The following STAG1 variants were observed in gnomAD, a reference collection of about 807,000 sequenced individuals.
STAG1 encodes the protein cohesin subunit SA-1.
A neutral mutation model predicts 170.9 loss-of-function variants in STAG1; 26 were observed. That is an observed-to-expected ratio of 0.15 (90% CI 0.11 to 0.21). The LOEUF (loss-of-function observed/expected upper bound fraction) is 0.21. STAG1 is among the 10% of genes least tolerant of loss of function. STAG1 has a pLI of 1.00. For missense variants in STAG1, 964 were observed against 1,509.5 expected, an observed-to-expected ratio of 0.64 and a Z score of 5.99; for synonymous variants, 514 against 497.7, an observed-to-expected ratio of 1.03 and a Z score of -0.44.
At chr3:136,438,425 A>G (rs190404843) in intron 15 of STAG1, among the ~76,000 whole-genome samples, 1 of 152,028 alleles carries the variant, frequency 6.6e-6, no homozygotes, top group Non-Finnish European at 1.5e-5. Context: ...GGGTTTCACC[A>G]TGCTGGCCAG....
At position 136,498,233 on chromosome 3, in the gene STAG1, T is replaced by TATACACACACAC; in HGVS notation, c.902+1989_902+1990insGTGTGTGTGTAT. On this transcript the variant is annotated intron_variant, in intron 9 of 33. Transcript: ENST00000383202. ...AATTATATATATATATATATATATA[T>TATACACACACAC]ACACATACATATACATACACACACA... 1.3e-3 allele frequency among the ~76,000 whole-genome samples: 72 copies of TATACACACACAC among 57,482 alleles called. 7 individuals are homozygous for TATACACACACAC. Among genetic ancestry groups the TATACACACACAC allele is most frequent in the African/African-American group, 7.2e-3 (70 of 9,664 alleles). 37.7% of individuals were successfully genotyped at this position (57,482 alleles called of 152,430 possible).
intron 9 of STAG1, among the ~76,000 whole-genome samples, chr3:136,477,795 T>TA (rs2089791940): frequency 6.6e-6 from 1 of 152,174 alleles, no homozygotes; most frequent in Non-Finnish European, 1.5e-5. Flanking sequence ...AATCTTTTTT[T>TA]AAAAAATTAT....
chr3:136,421,207 TTATAG>T (rs1205057600), intron 19 of STAG1, 44 bp from the exon 20 acceptor site: 16 of 1,278,124 alleles, frequency 1.3e-5, no homozygotes, highest in Non-Finnish European at 1.8e-5. Flanking sequence ...TTTACTCACC[TTATAG>T]TATATTACTA....
chr3:136,592,642 C>G (rs754397481), intron 4 of STAG1, among the ~76,000 whole-genome samples: 54 of 152,152 alleles, frequency 3.5e-4, no homozygotes, highest in Non-Finnish European at 7.1e-4. Context: ...ACAATGCCAG[C>G]AACAATGGCC....
chr3:136,361,607 TTAA>T (rs1341646950), intron 26 of STAG1, among the ~76,000 whole-genome samples: 11 of 152,284 alleles, frequency 7.2e-5, no homozygotes, highest in Non-Finnish European at 1.5e-4. Context: ...TTGTATTTCA[TTAA>T]TAATAATTAT....
At chr3:136,470,852 A>G (rs990965892) in intron 12 of STAG1, among the ~76,000 whole-genome samples, 1 of 152,110 alleles carries the variant, frequency 6.6e-6, no homozygotes. Flanking sequence ...ATGAAGCTGG[A>G]AACCATCATT....
chr3:136,349,292 A>G lies in STAG1; in HGVS notation c.3137T>C (p.Ile1046Thr). Residue 1046 changes from isoleucine (I) to threonine (T), a missense_variant, in exon 29 of 34, where the codon ATC (isoleucine) becomes ACC (threonine). Ile to Thr is a moderately conservative substitution (Grantham distance 89). Around this residue, in one of 11 missense-constraint regions of STAG1, gnomAD observed 149 missense variants for 301.3 expected, o/e 0.49. Transcript: ENST00000383202. ...AGTGACTAATGAATTTCTATAGGAG[A>G]TGAGTGGAAGCCATACATCCTCCCT... ...ERREDVWLPL[I>T]SYRNSLVTGG... 6.2e-7 allele frequency: 1 copy of G among 1,613,988 alleles called. No individual in the cohort carries two copies. The highest frequency in any genetic ancestry group is 8.5e-7 in the Non-Finnish European group (1 of 1,179,928).
At chr3:136,549,818 G>A (rs1009531913) in intron 5 of STAG1, among the ~76,000 whole-genome samples, 5 of 152,010 alleles carry the variant, frequency 3.3e-5, no homozygotes, top group Non-Finnish European at 7.4e-5. Context: ...TTGTATATAT[G>A]GCCATTATTG....
At chr3:136,521,555 T>C in intron 6 of STAG1, 138 bp from the exon 7 acceptor site, 1 of 632,232 alleles carries the variant, frequency 1.6e-6, no homozygotes, top group Non-Finnish European at 2.7e-6. Flanking sequence ...CATAGCACAT[T>C]TGATTGCTTT....
chr3:136,512,484 T>C (rs1934119650), intron 7 of STAG1, among the ~76,000 whole-genome samples: 2 of 152,154 alleles, frequency 1.3e-5, no homozygotes, highest in Admixed American at 6.5e-5. Context: ...AGTCAAGCAA[T>C]TCCTTTATGA....
chr3:136,714,938 A>AATAT (rs71714671), intron 1 of STAG1, among the ~76,000 whole-genome samples: 2,212 of 95,552 alleles, frequency 0.023, 22 homozygotes, highest in African/African-American at 0.043. Flanking sequence ...ATATATATTA[A>AATAT]ATATATATAT....
At chr3:136,346,912 A>G (rs1936244453) in intron 29 of STAG1, among the ~76,000 whole-genome samples, 2 of 151,848 alleles carry the variant, frequency 1.3e-5, no homozygotes, top group African/African-American at 4.8e-5. Flanking sequence ...CAGCCTGGGC[A>G]ACAAGGTGAA....
intron 23 of STAG1, among the ~76,000 whole-genome samples, chr3:136,373,748 T>C (rs1363989921): frequency 2.6e-5 from 4 of 152,212 alleles, no homozygotes; most frequent in Non-Finnish European, 5.9e-5. Flanking sequence ...TTACATTTGC[T>C]GAGGATTGCT....
At chr3:136,477,085 A>T (rs2089771638) in intron 10 of STAG1, among the ~76,000 whole-genome samples, 1 of 152,200 alleles carries the variant, frequency 6.6e-6, no homozygotes. Flanking sequence ...CAATATTGTA[A>T]CTAAACAAGA....
In STAG1 at chr3:136,615,550, A is replaced by G. The variant is rs567682793; in HGVS notation, c.132+7596T>C. On this transcript the variant is annotated intron_variant, in intron 3 of 33. Transcript: ENST00000383202. Reference sequence around the variant, plus strand: ...TCCCAGCACTTTGGGAGGCCGAGGCAGGCAGATCACGAGGTCAGGAGATTG... The same window carrying G: ...TCCCAGCACTTTGGGAGGCCGAGGCGGGCAGATCACGAGGTCAGGAGATTG... Among the ~76,000 whole-genome samples the G allele has an allele frequency of 3.6e-3, 543 of 150,302 alleles. 1 individual carries two copies. Among genetic ancestry groups the G allele is most frequent in the Middle Eastern group, 6.9e-3 (2 of 290 alleles).
intron 22 of STAG1, among the ~76,000 whole-genome samples, chr3:136,380,959 G>A (rs1576410264): frequency 6.6e-6 from 1 of 150,726 alleles, no homozygotes; most frequent in East Asian, 2.0e-4. Flanking sequence ...GGTGGAGGTT[G>A]CAGTGAGCTG....
At chr3:136,437,958 A>T (rs2107753715) in intron 15 of STAG1, among the ~76,000 whole-genome samples, 1 of 152,326 alleles carries the variant, frequency 6.6e-6, no homozygotes, top group South Asian at 2.1e-4. Context: ...GATTTTTCTT[A>T]AAATATGCAT....
chr3:136,596,851 C>A (rs1032349957), intron 4 of STAG1, among the ~76,000 whole-genome samples: 5 of 152,176 alleles, frequency 3.3e-5, no homozygotes, highest in Non-Finnish European at 7.3e-5. Context: ...GGCAGGCAGA[C>A]TGCTTGAGGC....
chr3:136,539,423 C>A (rs538462622), intron 6 of STAG1, among the ~76,000 whole-genome samples: 1 of 152,106 alleles, frequency 6.6e-6, no homozygotes, highest in Non-Finnish European at 1.5e-5. Context: ...ACAAAAATCA[C>A]GCAATTTATC....
Sources: gnomAD v4.1 joint callset for allele counts (sites outside exome capture counted in the v4.1 genomes callset) on GRCh38, gnomAD v4.1.1 for gene constraint, gnomAD v4.1.1 regional missense constraint, MANE v1.5 for transcripts, NCBI Gene and HGNC (gene_info 2026-07-23, HGNC 2026-07-21) for gene names.